Variants in PIEZO2 observed in about 807,000 individuals in gnomAD.
PIEZO2 encodes the protein piezo type mechanosensitive ion channel component 2.
A neutral mutation model predicts 337.3 loss-of-function variants in PIEZO2; 172 were observed. The observed-to-expected ratio is 0.51, with a 90% CI of 0.45 to 0.58. PIEZO2 has a LOEUF of 0.58. PIEZO2 is among the 20% of genes least tolerant of loss of function. The pLI, the probability that PIEZO2 is intolerant of heterozygous loss-of-function variation, is 0.00. For synonymous variants in PIEZO2, 1,251 were observed against 1,228.5 expected (o/e 1.02, Z -0.38); for missense variants, 3,028 against 3,391.3 (o/e 0.89, Z 2.66).
intron 11 of PIEZO2, among the ~76,000 whole-genome samples, chr18:10,798,116 C>T (rs74906545): frequency 0.024 from 3,626 of 152,282 alleles, 142 homozygotes; most frequent in African/African-American, 0.084. Context: ...AGCAGATTCT[C>T]CCCCTCTCCG....
chr18:11,115,268 G>T (rs1723231312), intron 1 of PIEZO2, among the ~76,000 whole-genome samples: 1 of 152,174 alleles, frequency 6.6e-6, no homozygotes, highest in African/African-American at 2.4e-5. Context: ...ATTGAAAATT[G>T]AGTTTTATAC....
Position 10,973,163 on chromosome 18 carries a change from A to G in PIEZO2, c.286+6372T>C, listed in dbSNP as rs955127889. On this transcript the variant is annotated intron_variant, in intron 3 of 55. Coordinates refer to ENST00000674853, the MANE Select transcript of PIEZO2 (RefSeq NM_001378183.1). The surrounding 1 kb of genome is among the most constrained non-coding windows in gnomAD (Gnocchi z 4.9). ...GCATCCATATCTATTACTAAAGGTGAATCAAAATATCAACACGGCATTGGC... is the reference window on the plus strand; with the variant it reads ...GCATCCATATCTATTACTAAAGGTGGATCAAAATATCAACACGGCATTGGC... 5.3e-5 allele frequency among the ~76,000 whole-genome samples: 8 copies of G among 151,940 alleles called. No individual in the cohort carries two copies. The highest frequency in any genetic ancestry group is 6.8e-3 in the Middle Eastern group (2 of 292).
Position 10,758,005 on chromosome 18 carries a change from C to T in PIEZO2, c.3887G>A (p.Ser1296Asn). 1 of 1,536,948 alleles carries T rather than the reference C, an allele frequency of 6.5e-7. No individual in the cohort carries two copies. The highest frequency in any genetic ancestry group is 8.7e-7 in the Non-Finnish European group (1 of 1,146,706). Residue 1296 changes from serine to asparagine, a missense_variant, in exon 27 of 56, where the codon AGC becomes AAC. Transcript: ENST00000674853. ...AAAATCTGGCACAGGGTTATGTTGG[C>T]TGAAGGAGGCCGCATCAAGGTTCAT... ...ICMNLDAASF[S>N]QHNPVPDFIH...
At chr18:10,796,497 C>T (rs564157028) in intron 12 of PIEZO2, among the ~76,000 whole-genome samples, 1 of 152,208 alleles carries the variant, frequency 6.6e-6, no homozygotes, top group South Asian at 2.1e-4. Context: ...TGAAGACCTT[C>T]AATGTCATTT....
rs1006169777 is a variant in PIEZO2 at position 10,952,904 on chromosome 18, C to T, written c.286+26631G>A. Among the ~76,000 whole-genome samples, 1 of 127,736 alleles carries T rather than the reference C, an allele frequency of 7.8e-6. No homozygotes were observed. The highest frequency in any genetic ancestry group is 1.7e-5 in the Non-Finnish European group (1 of 60,324). 83.8% of individuals were successfully genotyped at this position (127,736 alleles called of 152,430 possible). A position where few individuals can be genotyped will look rare whatever the true frequency, so the allele number is the denominator to read the frequency against. On this transcript the variant is annotated intron_variant, in intron 3 of 55. Transcript: ENST00000674853. This position sits in a 1 kb window ranked among gnomAD's most constrained non-coding sequence, Gnocchi z 4.1. ...CTTCCTTTCATCCCTCCCTCCATCCCTCCCTCCCTCCTTCCTTCCTTCTTT... is the reference window on the plus strand; with the variant it reads ...CTTCCTTTCATCCCTCCCTCCATCCTTCCCTCCCTCCTTCCTTCCTTCTTT...
At chr18:10,886,638 A>T (rs1432850870) in intron 4 of PIEZO2, among the ~76,000 whole-genome samples, 1 of 150,566 alleles carries the variant, frequency 6.6e-6, no homozygotes, top group Admixed American at 6.6e-5. Flanking sequence ...ATACCATGAT[A>T]AAATTTATGT....
rs1171430588 is a variant in PIEZO2 at position 10,878,941 on chromosome 18, T to C, written c.330-7526A>G. On this transcript the variant is annotated intron_variant, in intron 4 of 55. Coordinates refer to ENST00000674853, the MANE Select transcript of PIEZO2 (RefSeq NM_001378183.1). This position sits in a 1 kb window ranked among gnomAD's most constrained non-coding sequence, Gnocchi z 4.3. The stretch of plus-strand genomic sequence containing the variant: ...TGAGTGTCAGGTGTGGTTAGGACTT[T>C]CAGGTGCAGAGGTGAGACTTTAAAC... Among the ~76,000 whole-genome samples the C allele has an allele frequency of 6.6e-6, 1 of 152,204 alleles. No homozygotes were observed. Among genetic ancestry groups the C allele is most frequent in the Non-Finnish European group, 1.5e-5 (1 of 68,034 alleles).
At chr18:11,136,085 C>T (rs2040476821) in intron 1 of PIEZO2, among the ~76,000 whole-genome samples, 1 of 152,192 alleles carries the variant, frequency 6.6e-6, no homozygotes, top group Non-Finnish European at 1.5e-5. Flanking sequence ...GACTGTGTCA[C>T]ATCTTTTAAA....
chr18:11,008,579 T>C lies in PIEZO2; in HGVS notation c.161-28919A>G, dbSNP rs557247713. On this transcript the variant is annotated intron_variant, in intron 2 of 55. Transcript: ENST00000674853. The stretch of plus-strand genomic sequence containing the variant: ...GGCTTCCAAAACATGACTCGGCTTC[T>C]GACCCTGGGTAACTGATGTCTCTGG... Among the ~76,000 whole-genome samples the C allele has an allele frequency of 2.6e-5, 4 of 152,344 alleles. No homozygotes were observed. In the East Asian group the frequency reaches 5.8e-4, roughly 22 times the overall value.
intron 49 of PIEZO2, among the ~76,000 whole-genome samples, chr18:10,684,355 C>G: frequency 6.7e-6 from 1 of 150,258 alleles, no homozygotes; most frequent in Non-Finnish European, 1.5e-5. Flanking sequence ...TTAGTAGAGA[C>G]AGGGTTTCAC....
intron 27 of PIEZO2, among the ~76,000 whole-genome samples, chr18:10,755,137 T>C (rs912563751): frequency 3.9e-5 from 6 of 152,010 alleles, no homozygotes; most frequent in African/African-American, 1.5e-4. Context: ...ACTTTAGAAG[T>C]GGGGATAAGA....
intron 13 of PIEZO2, among the ~76,000 whole-genome samples, chr18:10,793,070 A>G (rs1458750742): frequency 2.0e-5 from 3 of 152,100 alleles, no homozygotes; most frequent in Non-Finnish European, 4.4e-5. Flanking sequence ...CCTGGCTAAC[A>G]TGGTGAAATC....
chr18:10,814,388 A>G (rs986610435), intron 7 of PIEZO2, among the ~76,000 whole-genome samples: 1 of 152,198 alleles, frequency 6.6e-6, no homozygotes, highest in Non-Finnish European at 1.5e-5. Flanking sequence ...TAAAACGAAT[A>G]TTTGGGGACA....
chr18:10,934,883 T>A (rs1039076929), intron 3 of PIEZO2, among the ~76,000 whole-genome samples: 1 of 152,202 alleles, frequency 6.6e-6, no homozygotes, highest in Admixed American at 6.5e-5. Flanking sequence ...TTAATCCTCA[T>A]GTCTACTACA....
At chr18:11,086,755 C>A (rs1020671000) in intron 1 of PIEZO2, among the ~76,000 whole-genome samples, 1 of 103,648 alleles carries the variant, frequency 9.6e-6, no homozygotes, top group Non-Finnish European at 1.8e-5. Flanking sequence ...TAAATAATTT[C>A]GGGTTTTTTT....
At position 10,757,959 on chromosome 18, in the gene PIEZO2, C is replaced by T; in HGVS notation, c.3923+10G>A. On this transcript the variant is annotated intron_variant, in intron 27 of 55. Transcript: ENST00000674853. ...AAAGTGGCTTTTAGCAAATGTGAAGCTCTTGTTACCTGCAGTGAATAAAAT... is the reference window on the plus strand; with the variant it reads ...AAAGTGGCTTTTAGCAAATGTGAAGTTCTTGTTACCTGCAGTGAATAAAAT... 6.5e-7 allele frequency: 1 copy of T among 1,528,850 alleles called. No homozygotes were observed. The highest frequency in any genetic ancestry group is 8.8e-7 in the Non-Finnish European group (1 of 1,142,544). 94.7% of individuals were successfully genotyped at this position (1,528,850 alleles called of 1,614,324 possible).
rs1156489425 is a variant in PIEZO2 at position 10,727,079 on chromosome 18, G to A, written c.5029+4328C>T. 3 of 521,890 alleles carry A rather than the reference G, an allele frequency of 5.7e-6. No individual in the cohort carries two copies. The highest frequency in any genetic ancestry group is 3.8e-5 in the Admixed American group (1 of 26,516). 32.3% of individuals were successfully genotyped at this position (521,890 alleles called of 1,614,324 possible). On this transcript the variant is annotated intron_variant, in intron 36 of 55. Transcript: ENST00000674853. This position sits in a 1 kb window ranked among gnomAD's most constrained non-coding sequence, Gnocchi z 6.3. ...GGAGGGCAGGAGCATTCCTTGAGAA[G>A]GAGTGGCAACATCAAAGGGTTTGTG...
intron 32 of PIEZO2, 48 bp from the exon 33 acceptor site, chr18:10,741,150 A>T (rs540175427): frequency 3.4e-6 from 5 of 1,480,540 alleles, no homozygotes; most frequent in African/African-American, 2.8e-5. Context: ...GTGAGAAAAC[A>T]AATTTTGAAA....
At chr18:10,937,264 T>C (rs143544094) in intron 3 of PIEZO2, among the ~76,000 whole-genome samples, 402 of 152,324 alleles carry the variant, frequency 2.6e-3, no homozygotes, top group Non-Finnish European at 4.1e-3. Flanking sequence ...TTCAGGGTTC[T>C]TTCCTAGCAA....
Sources: allele counts gnomAD v4.1 joint callset (sites outside exome capture counted in the v4.1 genomes callset), GRCh38; gene constraint gnomAD v4.1.1; non-coding constraint Gnocchi (gnomAD v3.1); transcripts MANE v1.5; gene names NCBI Gene and HGNC (gene_info 2026-07-23, HGNC 2026-07-21).